Variants in CTNNA3 observed in about 807,000 individuals in gnomAD.
CTNNA3 encodes catenin alpha 3, also known as catenin alpha-3.
Under a neutral mutation model 95.7 loss-of-function variants are expected in CTNNA3, and 76 were observed. The observed-to-expected ratio is 0.79, with a 90% CI of 0.66 to 0.96. CTNNA3 has a LOEUF of 0.96. CTNNA3 is among the 40% of genes least tolerant of loss of function. CTNNA3 has a pLI of 0.00. For synonymous variants in CTNNA3, 431 were observed against 374.4 expected, an observed-to-expected ratio of 1.15 and a Z score of -1.74; for missense variants, 1,191 against 1,089.8, an observed-to-expected ratio of 1.09 and a Z score of -1.31.
intron 10 of CTNNA3, among the ~76,000 whole-genome samples, chr10:66,574,918 T>C (rs1483402436): frequency 6.6e-6 from 1 of 152,124 alleles, no homozygotes; most frequent in African/African-American, 2.4e-5. Context: ...ATGGGTTGGA[T>C]GTCCCAAGAA....
At chr10:67,595,236 T>C (rs1178899021) in intron 3 of CTNNA3, among the ~76,000 whole-genome samples, 2 of 152,208 alleles carry the variant, frequency 1.3e-5, no homozygotes, top group Non-Finnish European at 2.9e-5. Context: ...AGACTGTCAA[T>C]TTGAGAGCCT....
chr10:66,314,046 T>C (rs1018369811), intron 12 of CTNNA3, among the ~76,000 whole-genome samples: 1 of 152,108 alleles, frequency 6.6e-6, no homozygotes, highest in Non-Finnish European at 1.5e-5. Flanking sequence ...CAAAAATAAA[T>C]ATACTCATAC....
chr10:66,617,579 C>T (rs1347439682), intron 10 of CTNNA3, among the ~76,000 whole-genome samples: 1 of 151,986 alleles, frequency 6.6e-6, no homozygotes, highest in African/African-American at 2.4e-5. Context: ...TAAGAGCTAT[C>T]TATGACAAAC....
intron 2 of CTNNA3, among the ~76,000 whole-genome samples, chr10:67,625,791 C>T (rs1243735895): frequency 6.6e-6 from 1 of 152,196 alleles, no homozygotes; most frequent in Admixed American, 6.5e-5. Flanking sequence ...TAGGATTCCA[C>T]TGTTTCATTG....
intron 7 of CTNNA3, among the ~76,000 whole-genome samples, chr10:66,905,897 T>G (rs1845968821): frequency 6.6e-6 from 1 of 152,202 alleles, no homozygotes; most frequent in African/African-American, 2.4e-5. Context: ...AAATAAATCC[T>G]ACAGATCTGT....
intron 7 of CTNNA3, among the ~76,000 whole-genome samples, chr10:67,007,094 C>G (rs116846060): frequency 0.016 from 2,377 of 152,294 alleles, 25 homozygotes; most frequent in Non-Finnish European, 0.023. Flanking sequence ...CCACACCCAG[C>G]TTACAGTCTT....
chr10:67,495,323 G>A (rs1328869169), intron 5 of CTNNA3, among the ~76,000 whole-genome samples: 1 of 151,950 alleles, frequency 6.6e-6, no homozygotes, highest in Non-Finnish European at 1.5e-5. Context: ...AATTTCTGAT[G>A]CCCCTACACA....
At chr10:67,348,102 T>C (rs1195144164) in intron 5 of CTNNA3, among the ~76,000 whole-genome samples, 3 of 152,116 alleles carry the variant, frequency 2.0e-5, no homozygotes, top group African/African-American at 7.2e-5. Flanking sequence ...CATATCCATA[T>C]GCAAAAACAT....
intron 9 of CTNNA3, among the ~76,000 whole-genome samples, chr10:66,642,891 A>G (rs987084352): frequency 2.2e-4 from 34 of 152,126 alleles, no homozygotes; most frequent in African/African-American, 8.2e-4. Flanking sequence ...GACAAGTTCT[A>G]GCGATTATTG....
chr10:66,065,408 T>C (rs938854776), intron 15 of CTNNA3, among the ~76,000 whole-genome samples: 9 of 152,136 alleles, frequency 5.9e-5, no homozygotes, highest in Non-Finnish European at 1.0e-4. Flanking sequence ...TCATGATCAT[T>C]AGTCTCTTTT....
chr10:67,755,217 T>C (rs1464286075), intron 1 of CTNNA3, among the ~76,000 whole-genome samples: 1 of 150,274 alleles, frequency 6.7e-6, no homozygotes, highest in East Asian at 2.0e-4. Context: ...GGTGATGATA[T>C]ACAAATAGCA....
intron 11 of CTNNA3, among the ~76,000 whole-genome samples, chr10:66,397,778 CAT>C (rs1285312565): frequency 1.3e-5 from 2 of 151,852 alleles, no homozygotes; most frequent in African/African-American, 2.4e-5. Flanking sequence ...ACTTTTTCCA[CAT>C]GTGTACATCA....
chr10:66,445,945 A>G (rs2093417334), intron 11 of CTNNA3, among the ~76,000 whole-genome samples: 1 of 152,156 alleles, frequency 6.6e-6, no homozygotes, highest in Admixed American at 6.5e-5. Context: ...AGAAGGAAGA[A>G]AAGAGAGAAG....
chr10:67,193,137 A>G (rs1346504824), intron 6 of CTNNA3, among the ~76,000 whole-genome samples: 1 of 151,984 alleles, frequency 6.6e-6, no homozygotes, highest in Non-Finnish European at 1.5e-5. Flanking sequence ...GATGTTGACC[A>G]GTGGGGGCAA....
At chr10:66,920,346 C>A (rs2132597253) in intron 7 of CTNNA3, among the ~76,000 whole-genome samples, 1 of 152,310 alleles carries the variant, frequency 6.6e-6, no homozygotes, top group Middle Eastern at 3.4e-3. Flanking sequence ...AGAATCAGTT[C>A]CAAATTCCAA....
chr10:66,754,273 T>A (rs1839280787), intron 9 of CTNNA3, among the ~76,000 whole-genome samples: 1 of 152,166 alleles, frequency 6.6e-6, no homozygotes, highest in South Asian at 2.1e-4. Flanking sequence ...AAAATAATTG[T>A]CTTTTCAAGA....
At chr10:66,663,957 TG>T (rs1846351950) in intron 9 of CTNNA3, among the ~76,000 whole-genome samples, 1 of 152,100 alleles carries the variant, frequency 6.6e-6, no homozygotes, top group Non-Finnish European at 1.5e-5. Flanking sequence ...TTCTCTCCTT[TG>T]TCACCTTAAA....
intron 5 of CTNNA3, among the ~76,000 whole-genome samples, chr10:67,483,797 A>AC (rs1331647608): frequency 6.6e-6 from 1 of 150,522 alleles, no homozygotes; most frequent in Non-Finnish European, 1.5e-5. Context: ...ACAAAAAAAA[A>AC]ACAAAACACT....
chr10:66,412,706 G>T (rs527321922), intron 11 of CTNNA3, among the ~76,000 whole-genome samples: 1 of 151,804 alleles, frequency 6.6e-6, no homozygotes, highest in Non-Finnish European at 1.5e-5. Flanking sequence ...TGATCTGCCC[G>T]CTTCGGCCTC....
Sources: gnomAD v4.1 joint callset for allele counts (sites outside exome capture counted in the v4.1 genomes callset) on GRCh38, gnomAD v4.1.1 for gene constraint, MANE v1.5 for transcripts, NCBI Gene and HGNC (gene_info 2026-07-23, HGNC 2026-07-21) for gene names.